Variants in MCCC2 observed in about 807,000 individuals in gnomAD.
MCCC2 encodes methylcrotonoyl-CoA carboxylase beta chain, mitochondrial.
MCCC2 carries 52 observed loss-of-function variants against 77.2 expected under a neutral mutation model. The ratio of observed to expected loss-of-function variants is 0.67; its 90% confidence interval spans 0.54 to 0.85. MCCC2 has a LOEUF of 0.85. Ranked by LOEUF, MCCC2 falls within the 40% of genes least tolerant of loss-of-function variation. The pLI is 0.00. For synonymous variants in MCCC2, 253 were observed against 248.4 expected, an observed-to-expected ratio of 1.02 and a Z score of -0.18; for missense variants, 682 against 703.2, an observed-to-expected ratio of 0.97 and a Z score of 0.34.
At chr5:71,641,328 G>A in intron 11 of MCCC2, 2 of 469,648 alleles carry the variant, frequency 4.3e-6, no homozygotes, top group Non-Finnish European at 7.6e-6. Context: ...TGTGACATTA[G>A]TTGTATAAAA....
chr5:71,609,320 A>G (rs891092858), intron 6 of MCCC2, among the ~76,000 whole-genome samples: 38 of 151,520 alleles, frequency 2.5e-4, no homozygotes, highest in African/African-American at 9.0e-4. Context: ...CATTCATTTC[A>G]TCTTCCATTG....
intron 6 of MCCC2, among the ~76,000 whole-genome samples, chr5:71,616,121 G>A (rs900364415): frequency 6.6e-6 from 1 of 152,208 alleles, no homozygotes; most frequent in Admixed American, 6.5e-5. Flanking sequence ...CCCACTCCGC[G>A]GGGACAGAAG....
intron 6 of MCCC2, among the ~76,000 whole-genome samples, chr5:71,617,035 T>G (rs1746176958): frequency 7.4e-6 from 1 of 134,390 alleles, no homozygotes. Context: ...CCTGTTACTA[T>G]TTGCTACAAA....
chr5:71,635,751 G>A (rs1332213477), intron 10 of MCCC2: 2 of 224,916 alleles, frequency 8.9e-6, no homozygotes, highest in Admixed American at 1.0e-4. Context: ...AACTTTTAGG[G>A]TTTAGAGCAT....
intron 1 of MCCC2, among the ~76,000 whole-genome samples, chr5:71,587,889 G>T (rs1482591439): frequency 6.6e-6 from 1 of 152,072 alleles, no homozygotes; most frequent in Non-Finnish European, 1.5e-5. Context: ...GAACTCATTA[G>T]GGGACTTTTG....
chr5:71,642,480 T>A (rs1747151723), intron 11 of MCCC2, among the ~76,000 whole-genome samples: 1 of 152,192 alleles, frequency 6.6e-6, no homozygotes, highest in Non-Finnish European at 1.5e-5. Flanking sequence ...GTGAAGACCG[T>A]CCCTCTATGG....
intron 10 of MCCC2, among the ~76,000 whole-genome samples, chr5:71,640,687 A>G (rs1213156771): frequency 6.6e-6 from 1 of 152,144 alleles, no homozygotes; most frequent in Non-Finnish European, 1.5e-5. Flanking sequence ...TTCTCATTGC[A>G]TCCCTGAACC....
intron 6 of MCCC2, among the ~76,000 whole-genome samples, chr5:71,605,908 G>A (rs915080792): frequency 5.3e-5 from 8 of 152,068 alleles, no homozygotes; most frequent in African/African-American, 1.9e-4. Flanking sequence ...TATTTCTGAG[G>A]GCTCTGTTCT....
intron 11 of MCCC2, 48 bp from the exon 12 acceptor site, chr5:71,643,770 GC>G: frequency 6.2e-7 from 1 of 1,613,828 alleles, no homozygotes. Context: ...GTGAATTGAA[GC>G]CCTTGGAAAA....
chr5:71,620,028 G>A (rs760629293), intron 6 of MCCC2, among the ~76,000 whole-genome samples: 49 of 152,086 alleles, frequency 3.2e-4, no homozygotes, highest in South Asian at 6.2e-4. Flanking sequence ...TGATGGAGAT[G>A]GATAGGGCCT....
In MCCC2 at chr5:71,592,977, G is replaced by A. The variant is rs752593298; in HGVS notation, c.181G>A (p.Glu61Lys). 9 of 1,613,266 alleles carry A rather than the reference G, an allele frequency of 5.6e-6. No individual in the cohort carries two copies. Among genetic ancestry groups the A allele is most frequent in the East Asian group, 2.2e-5 (1 of 44,902 alleles). ...ALVNQLHERVEHIKLGGGEKA... is the reference protein window; with the variant it reads ...ALVNQLHERVKHIKLGGGEKA... The stretch of plus-strand genomic sequence containing the variant: ...AGTAAATCAGCTCCATGAACGAGTG[G>A]AGCATATAAAACTAGGTAAACACAG... The change falls in exon 2 of 17, where the codon GAG (glutamate) becomes AAG (lysine). Residue 61 changes from glutamate to lysine, a missense_variant. Physicochemically the swap from Glu to Lys is moderately conservative, Grantham distance 56 (BLOSUM62 1). Transcript: ENST00000340941.
intron 6 of MCCC2, among the ~76,000 whole-genome samples, chr5:71,622,494 A>G (rs181427803): frequency 2.2e-4 from 33 of 152,292 alleles, no homozygotes; most frequent in Admixed American, 1.2e-3. Context: ...GTACAATTCA[A>G]TGGCTTTTAG....
At chr5:71,594,527 CAAA>C (rs113897050) in intron 2 of MCCC2, among the ~76,000 whole-genome samples, 2 of 123,240 alleles carry the variant, frequency 1.6e-5, no homozygotes, top group Admixed American at 8.4e-5. Context: ...AATTCCGTCT[CAAA>C]AAAAAAAAAA....
At chr5:71,637,409 T>C (rs930450571) in intron 10 of MCCC2, among the ~76,000 whole-genome samples, 10 of 152,366 alleles carry the variant, frequency 6.6e-5, no homozygotes, top group South Asian at 2.1e-4. Flanking sequence ...TTATACTATA[T>C]TGTAGTCTGT....
At chr5:71,648,676 TTTTA>T (rs1334697524) in intron 13 of MCCC2, among the ~76,000 whole-genome samples, 3 of 152,146 alleles carry the variant, frequency 2.0e-5, no homozygotes, top group Non-Finnish European at 4.4e-5. Context: ...TTTTTAAAAT[TTTTA>T]TTTATTTATT....
Position 71,614,485 on chromosome 5 carries a change from T to TC in MCCC2, c.624+10017_624+10018insC, listed in dbSNP as rs1491380509. Reference sequence around the variant, plus strand: ...GTGAGACCCCATCTCTCTCTCTCTCTTTTTTTTTTTTTTTGAGATGGAGTC... The same window carrying TC: ...GTGAGACCCCATCTCTCTCTCTCTCTCTTTTTTTTTTTTTTGAGATGGAGTC... On this transcript the variant is annotated intron_variant, in intron 6 of 16. Coordinates refer to ENST00000340941, the MANE Select transcript of MCCC2 (RefSeq NM_022132.5). Among the ~76,000 whole-genome samples, 43 of 42,858 alleles carry TC rather than the reference T, an allele frequency of 1.0e-3. No homozygotes were observed. In the South Asian group the frequency reaches 0.014, roughly 14 times the overall value. 28.1% of individuals were successfully genotyped at this position (42,858 alleles called of 152,430 possible).
chr5:71,624,921 T>A (rs1746488352), intron 6 of MCCC2, among the ~76,000 whole-genome samples: 1 of 151,314 alleles, frequency 6.6e-6, no homozygotes, highest in Non-Finnish European at 1.5e-5. Context: ...CTTGAACTCC[T>A]GGCCTCAAGT....
intron 16 of MCCC2, among the ~76,000 whole-genome samples, chr5:71,653,489 A>G (rs1438831939): frequency 6.7e-6 from 1 of 149,566 alleles, no homozygotes; most frequent in African/African-American, 2.4e-5. Flanking sequence ...CTCTTTCTGC[A>G]TCTTGTAAAA....
intron 6 of MCCC2, among the ~76,000 whole-genome samples, chr5:71,618,535 TCC>T (rs1274251171): frequency 0.013 from 776 of 60,878 alleles, 20 homozygotes; most frequent in African/African-American, 0.035. Context: ...CTTCCTTCCT[TCC>T]TTCCTTCCTT....
Sources: allele counts gnomAD v4.1 joint callset (sites outside exome capture counted in the v4.1 genomes callset), GRCh38; gene constraint gnomAD v4.1.1; transcripts MANE v1.5; gene names NCBI Gene and HGNC (gene_info 2026-07-23, HGNC 2026-07-21).